The following IL1RAP variants were observed in gnomAD, a reference collection of about 807,000 sequenced individuals.
IL1RAP encodes the protein interleukin 1 receptor accessory protein, also known as interleukin-1 receptor accessory protein.
In IL1RAP, 35 loss-of-function variants were observed where a neutral mutation model predicts 60.7. The ratio of observed to expected loss-of-function variants is 0.58; its 90% CI spans 0.44 to 0.76. The LOEUF is 0.76. IL1RAP is among the 30% of genes least tolerant of loss of function. The pLI, the probability that IL1RAP is intolerant of heterozygous loss-of-function variation, is 0.00. For missense variants in IL1RAP, 572 were observed against 693.9 expected (o/e 0.82, Z 1.97); for synonymous variants, 268 against 250.9 (o/e 1.07, Z -0.64).
intron 1 of IL1RAP, among the ~76,000 whole-genome samples, chr3:190,554,057 T>G (rs1345640393): frequency 3.7e-5 from 2 of 54,226 alleles, no homozygotes; most frequent in Non-Finnish European, 6.7e-5. Context: ...CGAGACTCCG[T>G]CTCAAAAAAA....
At chr3:190,536,578 G>T (rs1276278700) in intron 1 of IL1RAP, among the ~76,000 whole-genome samples, 2 of 152,136 alleles carry the variant, frequency 1.3e-5, no homozygotes. Flanking sequence ...CCTAAAGGTG[G>T]TTGAAAATGA....
rs369631404 is a variant in IL1RAP at position 190,576,543 on chromosome 3, AT to A, written c.64+12198del. 1.7e-3 allele frequency among the ~76,000 whole-genome samples: 256 copies of A among 151,982 alleles called. 2 individuals carry two copies. Among genetic ancestry groups the A allele is most frequent in the African/African-American group, 5.9e-3 (245 of 41,458 alleles). On this transcript the variant is annotated intron_variant, in intron 3 of 11. Transcript: ENST00000447382. ...TCAAACTAAACCAACATGCGATGCC[AT>A]TTTTTTTCACTCATCAGTCTGGCAG... is the stretch of plus-strand genomic sequence containing the variant.
At chr3:190,627,274 GTTTTGTTTTGTTTTTTGTTTT>G in intron 7 of IL1RAP, 28 bp from the exon 8 acceptor site, 1 of 1,421,622 alleles carries the variant, frequency 7.0e-7, no homozygotes, top group Non-Finnish European at 9.5e-7. Context: ...GTTTTGTTTT[GTTTTGTTTTGTTTTTTGTTTT>G]TTTTGTTTTT....
At chr3:190,548,088 G>T (rs1169538985) in intron 1 of IL1RAP, among the ~76,000 whole-genome samples, 1 of 152,168 alleles carries the variant, frequency 6.6e-6, no homozygotes, top group Non-Finnish European at 1.5e-5. Context: ...TGACTGTTTT[G>T]TGAGGCCAAG....
At chr3:190,578,522 C>G (rs1025749988) in intron 3 of IL1RAP, among the ~76,000 whole-genome samples, 18 of 152,164 alleles carry the variant, frequency 1.2e-4, no homozygotes, top group African/African-American at 4.3e-4. Flanking sequence ...TGCATTATAA[C>G]CATGGCTTGT....
chr3:190,582,429 C>T (rs1385960982), intron 3 of IL1RAP, among the ~76,000 whole-genome samples: 1 of 151,868 alleles, frequency 6.6e-6, no homozygotes, highest in African/African-American at 2.4e-5. Context: ...AAGTAAGTCT[C>T]CTGCCTCAGC....
chr3:190,629,841 T>C (rs1197121703), intron 9 of IL1RAP: 1 of 1,003,648 alleles, frequency 1.0e-6, no homozygotes, highest in Non-Finnish European at 1.2e-6. Flanking sequence ...TAGAGCCACA[T>C]ATTGTTGGTG....
chr3:190,652,033 T>C (rs1236770196), downstream of IL1RAP, among the ~76,000 whole-genome samples: 1 of 152,202 alleles, frequency 6.6e-6, no homozygotes, highest in Non-Finnish European at 1.5e-5. Flanking sequence ...TGACTTTAGT[T>C]AATTGATGAT....
intron 2 of IL1RAP, among the ~76,000 whole-genome samples, chr3:190,557,655 C>T (rs1295791166): frequency 6.6e-6 from 1 of 152,126 alleles, no homozygotes; most frequent in Non-Finnish European, 1.5e-5. Context: ...AATGACAAGG[C>T]TGTGTTATTT....
intron 1 of IL1RAP, among the ~76,000 whole-genome samples, chr3:190,527,686 T>C (rs1722628775): frequency 1.0e-5 from 1 of 97,968 alleles, no homozygotes; most frequent in Non-Finnish European, 2.3e-5. Flanking sequence ...TTGTTTACAT[T>C]TTTTTTTTTT....
At position 190,650,879 on chromosome 3, in the gene IL1RAP, C is replaced by T. The variant is rs1357365642; in HGVS notation, c.*2174C>T. On this transcript the variant is annotated 3_prime_UTR_variant, in exon 12 of 12. Transcript: ENST00000447382. ...AGTCTAGTCACCAAAGGACCATTCT[C>T]TTGCCAATGCTGCATTCCTTTTGCA... The T allele has an allele frequency of 3.0e-6, 3 of 985,252 alleles. No homozygotes were observed. Among genetic ancestry groups the T allele is most frequent in the South Asian group, 9.4e-5 (2 of 21,292 alleles). 61.0% of individuals were successfully genotyped at this position (985,252 alleles called of 1,614,324 possible). A position where few individuals can be genotyped will look rare whatever the true frequency, so the allele number is the denominator to read the frequency against.
At chr3:190,643,442 G>A (rs1189815225) in intron 9 of IL1RAP, among the ~76,000 whole-genome samples, 2 of 152,090 alleles carry the variant, frequency 1.3e-5, no homozygotes, top group East Asian at 3.9e-4. Flanking sequence ...TTGATTATAG[G>A]GCTAATGAGT....
intron 1 of IL1RAP, among the ~76,000 whole-genome samples, chr3:190,534,739 A>G (rs1296415869): frequency 6.6e-6 from 1 of 152,000 alleles, no homozygotes; most frequent in Non-Finnish European, 1.5e-5. Flanking sequence ...CTGAACTGGG[A>G]ATCAAAAGCC....
At chr3:190,589,944 A>C (rs1309031042) in intron 3 of IL1RAP, among the ~76,000 whole-genome samples, 5 of 152,332 alleles carry the variant, frequency 3.3e-5, no homozygotes, top group South Asian at 4.1e-4. Context: ...CCAAGCTTTG[A>C]GTTTCCTGCC....
chr3:190,604,554 TG>T, intron 4 of IL1RAP, 141 bp downstream of exon 4: 1 of 826,370 alleles, frequency 1.2e-6, no homozygotes, highest in Non-Finnish European at 1.9e-6. Flanking sequence ...GCAGCTTAGC[TG>T]AAGGGGTCTG....
chr3:190,631,490 G>A (rs1011557986), intron 9 of IL1RAP, among the ~76,000 whole-genome samples: 1 of 152,172 alleles, frequency 6.6e-6, no homozygotes, highest in African/African-American at 2.4e-5. Context: ...GGTCACACCT[G>A]TGTATTTCCG....
rs142859478 is a variant in IL1RAP, at chr3:190,604,589, T to C, written c.350+176T>C. Among the ~76,000 whole-genome samples, 3 of 152,258 alleles carry C rather than the reference T, an allele frequency of 2.0e-5. No homozygotes were observed. The East Asian group carries it at 5.8e-4, about 29-fold the overall frequency. On this transcript the variant is annotated intron_variant, in intron 4 of 11. Coordinates refer to ENST00000447382, the MANE Select transcript of IL1RAP (RefSeq NM_002182.4). The stretch of plus-strand genomic sequence containing the variant: ...TGAAGGAGGTATGCAGAGAAATTGG[T>C]TGTGGCCCTTAGAATGTTCTCCAGA...
chr3:190,519,670 T>G (rs1721841493), intron 1 of IL1RAP, among the ~76,000 whole-genome samples: 1 of 152,200 alleles, frequency 6.6e-6, no homozygotes, highest in South Asian at 2.1e-4. Context: ...TTTCCAAACA[T>G]ACTGCTCCAA....
intron 3 of IL1RAP, among the ~76,000 whole-genome samples, chr3:190,587,872 T>G (rs1460085176): frequency 6.6e-6 from 1 of 152,192 alleles, no homozygotes; most frequent in Non-Finnish European, 1.5e-5. Context: ...CAATTCACTC[T>G]CTGAACCTCT....
Sources: allele counts gnomAD v4.1 joint callset (sites outside exome capture counted in the v4.1 genomes callset), GRCh38; gene constraint gnomAD v4.1.1; transcripts MANE v1.5; gene names NCBI Gene and HGNC (gene_info 2026-07-23, HGNC 2026-07-21).